The following CCDC81 variants were observed in gnomAD, a reference collection of about 807,000 sequenced individuals.
CCDC81 encodes the protein coiled-coil domain containing 81.
Under a neutral mutation model 83.7 loss-of-function variants are expected in CCDC81, and 79 were observed. The ratio of observed to expected loss-of-function variants is 0.94; its 90% confidence interval spans 0.79 to 1.14. CCDC81 has a LOEUF of 1.14. CCDC81 is among the 50% of genes most tolerant of loss of function. The probability of loss-of-function intolerance (pLI) is 0.00; values close to 1 mark genes in which losing one functional copy is unlikely to be tolerated. For synonymous variants in CCDC81, 252 were observed against 278.1 expected (o/e 0.91, Z 0.93); for missense variants, 791 against 778.1 (o/e 1.02, Z -0.20).
At chr11:86,376,373 T>C (rs960377366) in intron 1 of CCDC81, among the ~76,000 whole-genome samples, 3 of 152,176 alleles carry the variant, frequency 2.0e-5, no homozygotes, top group Non-Finnish European at 4.4e-5. Flanking sequence ...TGGGTCATTA[T>C]AAAGGAAAGA....
intron 9 of CCDC81, 132 bp from the exon 10 acceptor site, chr11:86,409,129 C>T (rs1176051805): frequency 6.7e-6 from 3 of 450,396 alleles, no homozygotes; most frequent in Non-Finnish European, 1.2e-5. Flanking sequence ...CAGAAAGTAC[C>T]ACTGCCTCCA....
At chr11:86,411,275 A>G (rs1364760529) in intron 10 of CCDC81, among the ~76,000 whole-genome samples, 2 of 151,750 alleles carry the variant, frequency 1.3e-5, no homozygotes, top group East Asian at 3.9e-4. Context: ...GTTTCCATCT[A>G]GTGTCTTTGC....
chr11:86,397,572 T>G (rs1434836858), intron 5 of CCDC81, 49 bp from the exon 6 acceptor site: 2 of 1,566,286 alleles, frequency 1.3e-6, no homozygotes, highest in Non-Finnish European at 1.7e-6. Context: ...TTCACACAGT[T>G]ACCTGTTCAG....
chr11:86,403,517 T>A (rs1484345658), intron 7 of CCDC81, among the ~76,000 whole-genome samples: 1 of 152,120 alleles, frequency 6.6e-6, no homozygotes, highest in Non-Finnish European at 1.5e-5. Context: ...TAAAGAATGA[T>A]TTAGAGGGAT....
At chr11:86,387,904 A>C (rs764862954) in intron 3 of CCDC81, among the ~76,000 whole-genome samples, 6 of 152,204 alleles carry the variant, frequency 3.9e-5, no homozygotes, top group African/African-American at 1.2e-4. Context: ...AACCTGATGT[A>C]ACGTAAAGGA....
chr11:86,405,854 C>T lies in CCDC81; in HGVS notation c.882-1760C>T, dbSNP rs1948559168. On this transcript the variant is annotated intron_variant, in intron 7 of 14. Transcript: ENST00000445632. ...CTTGGCTCACCGCAACCTCCGCCTC[C>T]CACGCTCAACCAATTCTCCTGCTTC... is the stretch of plus-strand genomic sequence containing the variant. 2.6e-5 allele frequency among the ~76,000 whole-genome samples: 4 copies of T among 151,780 alleles called. No homozygotes were observed. In the South Asian group the frequency reaches 6.2e-4, roughly 24 times the overall value.
At chr11:86,419,717 C>T in intron 13 of CCDC81, 2 of 393,250 alleles carry the variant, frequency 5.1e-6, no homozygotes, top group Non-Finnish European at 4.4e-6. Flanking sequence ...TAAATCAAAC[C>T]AGGATTGAAG....
At chr11:86,383,254 C>T (rs1427970176) in intron 1 of CCDC81, among the ~76,000 whole-genome samples, 3 of 152,182 alleles carry the variant, frequency 2.0e-5, no homozygotes, top group Admixed American at 6.5e-5. Flanking sequence ...TTGCATTATG[C>T]TCTGGGAATA....
At chr11:86,375,927 G>A (rs1184413564) in intron 1 of CCDC81, among the ~76,000 whole-genome samples, 3 of 152,182 alleles carry the variant, frequency 2.0e-5, no homozygotes, top group East Asian at 1.9e-4. Context: ...CCAAATGACC[G>A]CAGAAAACAA....
chr11:86,408,317 G>A, intron 9 of CCDC81, 47 bp downstream of exon 9: 3 of 1,493,876 alleles, frequency 2.0e-6, no homozygotes, highest in South Asian at 1.3e-5. Flanking sequence ...AATAGAACAT[G>A]ATTATATAAT....
At chr11:86,408,489 A>G (rs1475927063) in intron 9 of CCDC81, among the ~76,000 whole-genome samples, 1 of 151,948 alleles carries the variant, frequency 6.6e-6, no homozygotes, top group African/African-American at 2.4e-5. Context: ...ACACGTCACT[A>G]CACCTGGCTA....
chr11:86,385,868 C>A (rs1948235216), intron 1 of CCDC81, among the ~76,000 whole-genome samples, 183 bp from the exon 2 acceptor site: 1 of 151,890 alleles, frequency 6.6e-6, no homozygotes, highest in Non-Finnish European at 1.5e-5. Flanking sequence ...AGGGAGTAAG[C>A]CTTAGTTACC....
rs983482893 is a variant in CCDC81, at chr11:86,409,385, C to T, written c.1218+20C>T. 1 of 1,269,122 alleles carries T rather than the reference C, an allele frequency of 7.9e-7. No individual in the cohort carries two copies. The highest frequency in any genetic ancestry group is 1.1e-6 in the Non-Finnish European group (1 of 904,858). The allele number at this position is 1,269,122 out of a possible 1,614,324, so 78.6% of individuals were successfully genotyped here. On this transcript the variant is annotated intron_variant, in intron 10 of 14. Transcript: ENST00000445632. ...TTTTATGTAAGTCTTTTAAAAATTT[C>T]TGTTGCTAACACCTGGCCCATCTGT...
Position 86,392,785 on chromosome 11 carries a change from G to A in CCDC81, c.543G>A (p.Lys181=), listed in dbSNP as rs1331563743. The A allele has an allele frequency of 6.5e-6, 10 of 1,548,994 alleles. No individual in the cohort carries two copies. The highest frequency in any genetic ancestry group is 4.0e-5 in the Admixed American group (2 of 50,530). The change falls in exon 4 of 15, where the codon AAG becomes AAA. Residue 181 remains lysine, a synonymous_variant. Transcript: ENST00000445632. ...CTMDGSGALA[K]ALANRPGTVD... Reference sequence around the variant, plus strand: ...TGGATGGAAGTGGGGCTTTGGCAAAGGCCCTAGCAAATGTAAATTAATATT... The same window carrying A: ...TGGATGGAAGTGGGGCTTTGGCAAAAGCCCTAGCAAATGTAAATTAATATT...
chr11:86,405,631 C>G (rs1319213670), intron 7 of CCDC81, among the ~76,000 whole-genome samples: 1 of 152,128 alleles, frequency 6.6e-6, no homozygotes, highest in African/African-American at 2.4e-5. Flanking sequence ...CAAACTGTAT[C>G]CCCTTCCAAA....
In CCDC81 at chr11:86,407,685, A is replaced by G. The variant is rs1167623263; in HGVS notation, c.953A>G (p.His318Arg). 2 of 1,613,130 alleles carry G rather than the reference A, an allele frequency of 1.2e-6. No individual in the cohort carries two copies. Among genetic ancestry groups the G allele is most frequent in the African/African-American group, 2.7e-5 (2 of 74,894 alleles). The change falls in exon 8 of 15, where the codon CAT becomes CGT. Residue 318 changes from histidine (H) to arginine (R), a missense_variant. By Grantham distance (29) the His-to-Arg change is conservative. Coordinates refer to ENST00000445632, the MANE Select transcript of CCDC81 (RefSeq NM_001156474.2). ...KPQTSPACQD[H>R]NKAGQEMCYV... Reference sequence around the variant, plus strand: ...CAAACATCTCCAGCTTGCCAGGATCATAACAAGGCAGGACAGGTACAGTGT... The same window carrying G: ...CAAACATCTCCAGCTTGCCAGGATCGTAACAAGGCAGGACAGGTACAGTGT...
chr11:86,408,902 G>A (rs1303918608), intron 9 of CCDC81, among the ~76,000 whole-genome samples: 1 of 152,016 alleles, frequency 6.6e-6, no homozygotes, highest in East Asian at 1.9e-4. Flanking sequence ...TTACCCTTCA[G>A]ATTCATGTCC....
intron 11 of CCDC81, 108 bp downstream of exon 11, chr11:86,412,667 C>A: frequency 9.8e-7 from 1 of 1,018,654 alleles, no homozygotes; most frequent in Non-Finnish European, 1.4e-6. Flanking sequence ...CACACTGTAA[C>A]CAACTGAGCA....
chr11:86,405,785 CTTTTT>C (rs146946869), intron 7 of CCDC81, among the ~76,000 whole-genome samples: 1 of 128,620 alleles, frequency 7.8e-6, no homozygotes, highest in Non-Finnish European at 1.7e-5. Context: ...CTTCTTTTTT[CTTTTT>C]TTTTTTTTTT....
Sources: allele counts gnomAD v4.1 joint callset (sites outside exome capture counted in the v4.1 genomes callset), GRCh38; gene constraint gnomAD v4.1.1; transcripts MANE v1.5; gene names NCBI Gene and HGNC (gene_info 2026-07-23, HGNC 2026-07-21).